DNAH3: variants seen among roughly 807,000 people sequenced by gnomAD.
DNAH3 encodes dynein axonemal heavy chain 3.
Under a neutral mutation model 432.5 loss-of-function variants are expected in DNAH3, and 332 were observed. That is an observed-to-expected ratio of 0.77 (90% CI 0.70 to 0.84). The LOEUF (loss-of-function observed/expected upper bound fraction) is 0.84, where lower values mean the gene tolerates loss of function less well. Ranked by LOEUF, DNAH3 falls within the 40% of genes least tolerant of loss-of-function variation. DNAH3 has a pLI of 0.00. For missense variants in DNAH3, 4,861 were observed against 5,114.0 expected, an observed-to-expected ratio of 0.95 and a Z score of 1.51; for synonymous variants, 1,956 against 1,900.2, an observed-to-expected ratio of 1.03 and a Z score of -0.76.
At chr16:20,998,163 GA>G (rs779638505) in intron 43 of DNAH3, among the ~76,000 whole-genome samples, 16 of 152,324 alleles carry the variant, frequency 1.1e-4, no homozygotes, top group Admixed American at 4.6e-4. Flanking sequence ...CCAGCAAATA[GA>G]GTATTTAATT....
intron 7 of DNAH3, among the ~76,000 whole-genome samples, chr16:21,131,484 A>G (rs1307899919): frequency 1.4e-3 from 92 of 66,262 alleles, no homozygotes; most frequent in African/African-American, 3.7e-3. Flanking sequence ...AGGAAGAAAG[A>G]AAAGAAAGAG....
Position 20,965,074 on chromosome 16 carries a change from T to C in DNAH3, c.8810A>G (p.Gln2937Arg), listed in dbSNP as rs550421573. The change falls in exon 53 of 62, where the codon CAG becomes CGG. Residue 2937 changes from glutamine (Q) to arginine (R), a missense_variant. By Grantham distance (43) the Gln-to-Arg change is conservative. Transcript: ENST00000261383. ...CTCTTCAAAGTCGTCATTCAGGGCC[T>C]GGAGCCGATCTACCACCAGCTTCAG... 7 of 1,614,170 alleles carry C rather than the reference T, an allele frequency of 4.3e-6. No individual in the cohort carries two copies. The African/African-American group carries it at 9.3e-5, about 22-fold the overall frequency.
chr16:21,055,686 C>T (rs1409950569), intron 27 of DNAH3, among the ~76,000 whole-genome samples: 2 of 151,614 alleles, frequency 1.3e-5, no homozygotes, highest in Non-Finnish European at 2.9e-5. Context: ...AGCTATGTGG[C>T]TCTTGGCAAA....
At chr16:21,142,704 A>AG (rs1392170712) in intron 3 of DNAH3, among the ~76,000 whole-genome samples, 12 of 145,632 alleles carry the variant, frequency 8.2e-5, no homozygotes, top group African/African-American at 3.1e-4. Flanking sequence ...CCTGTGCTGG[A>AG]GTGCAGTGGC....
chr16:21,140,493 T>C (rs779563293), intron 5 of DNAH3, 43 bp downstream of exon 6: 2 of 1,590,006 alleles, frequency 1.3e-6, no homozygotes, highest in Non-Finnish European at 1.7e-6. Context: ...ATGCCGAGAG[T>C]AACCCTCAGC....
chr16:20,938,243 T>A (rs1286514539), intron 59 of DNAH3, among the ~76,000 whole-genome samples: 1 of 151,840 alleles, frequency 6.6e-6, no homozygotes, highest in East Asian at 1.9e-4. Context: ...AATACAAAAT[T>A]AGCTGAGCAT....
In DNAH3 at chr16:21,099,473, T is replaced by G. The variant is rs554264610; in HGVS notation, c.2367-704A>C. Among the ~76,000 whole-genome samples, 53 of 152,330 alleles carry G rather than the reference T, an allele frequency of 3.5e-4. 1 individual carries two copies. Among genetic ancestry groups the G allele is most frequent in the South Asian group, 2.1e-3 (10 of 4,830 alleles). ...GAGACCTTTCCAAAGATTTATCAACTTCATCCATATTATCAACAAAGCAGG... is the reference window on the plus strand; with the variant it reads ...GAGACCTTTCCAAAGATTTATCAACGTCATCCATATTATCAACAAAGCAGG... On this transcript the variant is annotated intron_variant, in intron 16 of 61. Coordinates refer to ENST00000261383, the Ensembl canonical transcript of DNAH3.
exon 15 of DNAH3, chr16:21,106,603 G>A (rs2091952336): frequency 2.5e-6 from 4 of 1,610,722 alleles, no homozygotes; most frequent in African/African-American, 1.3e-5. Flanking sequence ...TTCAATGAGG[G>A]ATACCAGCTC....
intron 50 of DNAH3, among the ~76,000 whole-genome samples, chr16:20,978,835 G>A (rs886167097): frequency 1.3e-5 from 2 of 152,094 alleles, no homozygotes; most frequent in African/African-American, 2.4e-5. Flanking sequence ...GTGAGCCACT[G>A]CACTGGGCCT....
intron 10 of DNAH3, 62 bp downstream of exon 11, chr16:21,121,883 C>A: frequency 1.7e-5 from 25 of 1,455,710 alleles, no homozygotes; most frequent in Non-Finnish European, 2.3e-5. Context: ...CAACCTCTTT[C>A]AATACATTTT....
chr16:21,108,369 C>A (rs2091994116), intron 14 of DNAH3, among the ~76,000 whole-genome samples: 1 of 152,218 alleles, frequency 6.6e-6, no homozygotes, highest in African/African-American at 2.4e-5. Flanking sequence ...TCAACTAAGG[C>A]ACCATGTTGC....
chr16:20,980,150 C>T (rs1177266756), intron 49 of DNAH3, among the ~76,000 whole-genome samples: 2 of 129,222 alleles, frequency 1.5e-5, no homozygotes, highest in East Asian at 2.1e-4. Flanking sequence ...GGAGATATTC[C>T]CTGACTTTGT....
At chr16:20,980,297 C>CATATATTATAATATACATA (rs2085827228) in intron 49 of DNAH3, among the ~76,000 whole-genome samples, 9 of 135,312 alleles carry the variant, frequency 6.7e-5, no homozygotes, top group Middle Eastern at 4.0e-3. Context: ...TAATATACAT[C>CATATATTATAATATACATA]ATATATTATA....
In DNAH3 at chr16:21,000,534, A is replaced by G. The variant is rs2086969391; in HGVS notation, c.6127-16T>C. 6 of 1,575,116 alleles carry G rather than the reference A, an allele frequency of 3.8e-6. No homozygotes were observed. Among genetic ancestry groups the G allele is most frequent in the African/African-American group, 1.3e-5 (1 of 74,158 alleles). On this transcript the variant is annotated splice_polypyrimidine_tract_variant and intron_variant, in intron 42 of 61. Transcript: ENST00000261383. ...GTTCTGAGACCTGTACCACACAGAC[A>G]TGGGAGAGTCTCGGTTGTGGGCCCA...
chr16:21,045,901 C>T (rs1401988645), intron 31 of DNAH3, among the ~76,000 whole-genome samples: 2 of 136,990 alleles, frequency 1.5e-5, no homozygotes, highest in Admixed American at 1.5e-4. Context: ...TTTCAAAGAA[C>T]ATCTTTATTT....
chr16:20,935,142 A>C (rs769690484), intron 61 of DNAH3, among the ~76,000 whole-genome samples: 2 of 152,174 alleles, frequency 1.3e-5, no homozygotes, highest in Non-Finnish European at 2.9e-5. Flanking sequence ...CCCTTTTTGT[A>C]TACACAGAGA....
chr16:21,006,440 T>C (rs1280600231), intron 41 of DNAH3, among the ~76,000 whole-genome samples: 7 of 152,190 alleles, frequency 4.6e-5, no homozygotes, highest in African/African-American at 9.7e-5. Context: ...CATGTACATG[T>C]AAATATATTA....
At chr16:21,085,361 T>C (rs1480840615) in intron 19 of DNAH3, among the ~76,000 whole-genome samples, 3 of 151,654 alleles carry the variant, frequency 2.0e-5, no homozygotes, top group African/African-American at 7.3e-5. Context: ...CTGGCCAACA[T>C]GGTGAAACCC....
Position 21,104,469 on chromosome 16 carries a change from A to G in DNAH3, c.2366+2T>C. On this transcript the variant is annotated splice_donor_variant, in intron 16 of 61. Coordinates refer to ENST00000261383, the Ensembl canonical transcript of DNAH3. LOFTEE classifies it high-confidence loss of function. Reference sequence around the variant, plus strand: ...CAAGACAATCCCAGACTCTCCCGGTACCTTTTAATCAGATCCATTTCTGCC... The same window carrying G: ...CAAGACAATCCCAGACTCTCCCGGTGCCTTTTAATCAGATCCATTTCTGCC... 1 of 1,613,334 alleles carries G rather than the reference A, an allele frequency of 6.2e-7. No individual in the cohort carries two copies. The highest frequency in any genetic ancestry group is 1.1e-5 in the South Asian group (1 of 91,054).
Sources: allele counts gnomAD v4.1 joint callset (sites outside exome capture counted in the v4.1 genomes callset), GRCh38; gene constraint gnomAD v4.1.1; transcripts MANE v1.5; gene names NCBI Gene and HGNC (gene_info 2026-07-23, HGNC 2026-07-21).